Variants in VWA3B observed in about 807,000 individuals in gnomAD.
The protein encoded by VWA3B is von Willebrand factor A domain-containing protein 3B.
A neutral mutation model predicts 158.3 loss-of-function variants in VWA3B; 138 were observed. The ratio of observed to expected loss-of-function variants is 0.87; its 90% CI spans 0.76 to 1.00. VWA3B has a LOEUF of 1.00. Ranked by LOEUF, VWA3B falls within the 50% of genes least tolerant of loss-of-function variation. The pLI is 0.00. For missense variants in VWA3B, 1,555 were observed against 1,565.1 expected (o/e 0.99, Z 0.11); for synonymous variants, 596 against 587.3 (o/e 1.01, Z -0.21).
intron 19 of VWA3B, 62 bp downstream of exon 19, chr2:98,236,792 G>C: frequency 6.5e-7 from 1 of 1,549,820 alleles, no homozygotes; most frequent in Non-Finnish European, 8.7e-7. Flanking sequence ...CAAATAAAAA[G>C]TAGTCCAATT....
chr2:98,220,195 A>G (rs1574116862), intron 14 of VWA3B, among the ~76,000 whole-genome samples: 4 of 151,678 alleles, frequency 2.6e-5, no homozygotes, highest in Non-Finnish European at 1.5e-5. Context: ...AAAGATACGA[A>G]AAAACTAAAA....
At chr2:98,135,594 C>T (rs1467837626) in intron 7 of VWA3B, among the ~76,000 whole-genome samples, 2 of 151,984 alleles carry the variant, frequency 1.3e-5, no homozygotes, top group Non-Finnish European at 2.9e-5. Context: ...CTCGGCCTCC[C>T]AAAGTGCTGG....
At chr2:98,148,566 C>T (rs771310379) in intron 7 of VWA3B, among the ~76,000 whole-genome samples, 11 of 152,142 alleles carry the variant, frequency 7.2e-5, no homozygotes, top group African/African-American at 9.7e-5. Context: ...GCAGTTCCTT[C>T]GTAACTGTAT....
In VWA3B at chr2:98,180,909, G is replaced by A. The variant is rs552392126; in HGVS notation, c.1115-107G>A. On this transcript the variant is annotated intron_variant, in intron 8 of 27. Coordinates refer to ENST00000477737, the MANE Select transcript of VWA3B (RefSeq NM_144992.5). ...AGCTGTTTTCTGAAATGAAACATGG[G>A]CTTTGTGTCTAATAAAGAACACGTT... 3.7e-5 allele frequency: 41 copies of A among 1,119,468 alleles called. No individual in the cohort carries two copies. The Admixed American group carries it at 7.7e-4, about 21-fold the overall frequency. The allele number at this position is 1,119,468 out of a possible 1,614,324, so 69.3% of individuals were successfully genotyped here.
At chr2:98,089,343 C>A (rs1682102895) in intron 1 of VWA3B, among the ~76,000 whole-genome samples, 1 of 152,078 alleles carries the variant, frequency 6.6e-6, no homozygotes, top group South Asian at 2.1e-4. Flanking sequence ...GATAAAGTAT[C>A]ATAGCAAAAG....
chr2:98,174,222 G>C (rs1679826363), intron 8 of VWA3B, among the ~76,000 whole-genome samples: 1 of 152,168 alleles, frequency 6.6e-6, no homozygotes, highest in Non-Finnish European at 1.5e-5. Context: ...TTAAATCTCA[G>C]TAAGAATAGT....
rs1286349048 is a variant in VWA3B, at chr2:98,312,052, A to G, written c.3735+20A>G. 5 of 1,591,212 alleles carry G rather than the reference A, an allele frequency of 3.1e-6. No homozygotes were observed. Among genetic ancestry groups the G allele is most frequent in the South Asian group, 2.3e-5 (2 of 88,218 alleles). ...CCCAGGGTTTGGGTGATGGGGGGGG[A>G]ACACAACATCGCTTATCTCAGGAAC... On this transcript the variant is annotated intron_variant, in intron 27 of 27. Coordinates refer to ENST00000477737, the MANE Select transcript of VWA3B (RefSeq NM_144992.5).
At chr2:98,258,200 A>G (rs745432286) in intron 21 of VWA3B, among the ~76,000 whole-genome samples, 2 of 151,886 alleles carry the variant, frequency 1.3e-5, no homozygotes, top group Non-Finnish European at 2.9e-5. Context: ...TCTCTATTCT[A>G]TTCCACTGGT....
chr2:98,128,133 C>T (rs1675528562), intron 5 of VWA3B, 106 bp from the exon 6 acceptor site: 10 of 1,384,786 alleles, frequency 7.2e-6, no homozygotes, highest in South Asian at 1.4e-5. Context: ...ATTCTTTCTG[C>T]CCATTTTTTC....
chr2:98,159,418 T>G (rs1678377583), intron 7 of VWA3B, among the ~76,000 whole-genome samples: 1 of 152,026 alleles, frequency 6.6e-6, no homozygotes, highest in South Asian at 2.1e-4. Flanking sequence ...CCGGCTCATT[T>G]TTGTATTTTT....
chr2:98,320,633 G>T, the VWA3B span, among the ~76,000 whole-genome samples: 1 of 152,190 alleles, frequency 6.6e-6, no homozygotes, highest in East Asian at 1.9e-4. Flanking sequence ...AGTAAAGGTT[G>T]CCTTTGCTAT....
At chr2:98,275,488 G>A (rs529763683) in intron 22 of VWA3B, among the ~76,000 whole-genome samples, 1 of 152,326 alleles carries the variant, frequency 6.6e-6, no homozygotes, top group East Asian at 1.9e-4. Flanking sequence ...ACAAGAGGCA[G>A]AAACTCAGCT....
At chr2:98,108,980 GTTTCT>G (rs1573782161) in intron 2 of VWA3B, among the ~76,000 whole-genome samples, 2 of 141,722 alleles carry the variant, frequency 1.4e-5, no homozygotes, top group East Asian at 2.0e-4. Context: ...TATCTATAAT[GTTTCT>G]TTTCTTTTCT....
chr2:98,225,233 T>G (rs1205484459), intron 14 of VWA3B, among the ~76,000 whole-genome samples: 1 of 152,258 alleles, frequency 6.6e-6, no homozygotes, highest in Non-Finnish European at 1.5e-5. Context: ...CCCACCTGGC[T>G]ACTTGTTTTT....
intron 8 of VWA3B, chr2:98,179,100 G>C: frequency 2.5e-6 from 1 of 406,782 alleles, no homozygotes; most frequent in Admixed American, 2.9e-5. Flanking sequence ...TCCCACCATG[G>C]TCTCTTTCAT....
intron 12 of VWA3B, chr2:98,207,222 A>G: frequency 3.7e-6 from 2 of 542,188 alleles, no homozygotes; most frequent in South Asian, 2.9e-5. Flanking sequence ...ACCTCTGTAC[A>G]GGCTATGTAC....
intron 1 of VWA3B, among the ~76,000 whole-genome samples, chr2:98,088,407 C>T (rs1213754928): frequency 6.6e-6 from 1 of 152,172 alleles, no homozygotes; most frequent in Non-Finnish European, 1.5e-5. Context: ...CCCAGGGCAG[C>T]CCAGGAGCAT....
intron 13 of VWA3B, among the ~76,000 whole-genome samples, chr2:98,213,973 T>C (rs2105567721): frequency 6.6e-6 from 1 of 152,234 alleles, no homozygotes; most frequent in African/African-American, 2.4e-5. Flanking sequence ...GGAGGATTGC[T>C]TGAGCCCAGG....
At chr2:98,181,860 C>T (rs1178303282) in intron 9 of VWA3B, among the ~76,000 whole-genome samples, 1 of 152,162 alleles carries the variant, frequency 6.6e-6, no homozygotes, top group African/African-American at 2.4e-5. Context: ...GAATTTGCAT[C>T]CATAACAACC....
Sources: allele counts gnomAD v4.1 joint callset (sites outside exome capture counted in the v4.1 genomes callset), GRCh38; gene constraint gnomAD v4.1.1; transcripts MANE v1.5; gene names NCBI Gene and HGNC (gene_info 2026-07-23, HGNC 2026-07-21).